Variants in ST8SIA1 observed in about 807,000 individuals in gnomAD.
ST8SIA1 encodes the protein ST8 alpha-N-acetyl-neuraminide alpha-2,8-sialyltransferase 1, also known as alpha-N-acetylneuraminide alpha-2,8-sialyltransferase.
ST8SIA1 carries 16 observed loss-of-function variants against 35.9 expected under a neutral mutation model. The ratio of observed to expected loss-of-function variants is 0.45; its 90% confidence interval spans 0.30 to 0.68. The LOEUF (loss-of-function observed/expected upper bound fraction) is 0.68, where lower values mean the gene tolerates loss of function less well. ST8SIA1 is among the 30% of genes least tolerant of loss of function. The probability of loss-of-function intolerance (pLI) is 0.09; values close to 1 mark genes in which losing one functional copy is unlikely to be tolerated. For missense variants in ST8SIA1, 383 were observed against 453.6 expected, an observed-to-expected ratio of 0.84 and a Z score of 1.41; for synonymous variants, 170 against 169.6, an observed-to-expected ratio of 1.00 and a Z score of -0.02.
At chr12:22,318,566 T>C (rs965956793) in intron 1 of ST8SIA1, among the ~76,000 whole-genome samples, 3 of 151,890 alleles carry the variant, frequency 2.0e-5, no homozygotes, top group East Asian at 3.9e-4. Context: ...CCCCCTCTTT[T>C]CCCTGCCTCC....
intron 1 of ST8SIA1, among the ~76,000 whole-genome samples, chr12:22,321,008 A>G (rs56002999): frequency 5.6e-4 from 47 of 83,876 alleles, no homozygotes; most frequent in African/African-American, 2.2e-3. Context: ...AGAAAGAAGA[A>G]AGAAAGAAAG....
chr12:22,255,007 G>A (rs1865713879), intron 3 of ST8SIA1, among the ~76,000 whole-genome samples: 1 of 152,164 alleles, frequency 6.6e-6, no homozygotes, highest in South Asian at 2.1e-4. Context: ...TGAGATGTGA[G>A]ATTTTCCACT....
At chr12:22,318,698 C>T (rs905895991) in intron 1 of ST8SIA1, among the ~76,000 whole-genome samples, 1 of 152,180 alleles carries the variant, frequency 6.6e-6, no homozygotes, top group Non-Finnish European at 1.5e-5. Flanking sequence ...TACAAACAGC[C>T]TTTGATTTTA....
At chr12:22,270,871 G>A (rs7301632) in intron 2 of ST8SIA1, among the ~76,000 whole-genome samples, 23,471 of 152,144 alleles carry the variant, frequency 0.15, 1,869 homozygotes, top group Middle Eastern at 0.24. Context: ...TGTAGGAGTC[G>A]TAAACAGTTG....
At chr12:22,248,982 C>T in intron 4 of ST8SIA1, 24 bp downstream of exon 4, 6 of 1,558,674 alleles carry the variant, frequency 3.8e-6, no homozygotes, top group South Asian at 1.1e-5. Flanking sequence ...TCGTTCGTCA[C>T]AAACAGAAGT....
At position 22,334,388 on chromosome 12, in the gene ST8SIA1, C is replaced by G; in HGVS notation, c.-156G>C. The G allele has an allele frequency of 1.6e-6, 1 of 619,736 alleles. No homozygotes were observed. The highest frequency in any genetic ancestry group is 2.8e-6 in the Non-Finnish European group (1 of 354,532). The allele number at this position is 619,736 out of a possible 1,614,324, so 38.4% of individuals were successfully genotyped here. On this transcript the variant is annotated 5_prime_UTR_variant, in exon 1 of 5. Transcript: ENST00000396037. ...CACGCTTCTTCGGCCCCGTCGGCCC[C>G]AAAGGTCAGCGCAAGGATTTTTTCA... is the stretch of plus-strand genomic sequence containing the variant.
At chr12:22,259,757 C>T (rs539857732) in intron 2 of ST8SIA1, among the ~76,000 whole-genome samples, 2 of 152,214 alleles carry the variant, frequency 1.3e-5, no homozygotes, top group South Asian at 2.1e-4. Flanking sequence ...TGAGCCACCG[C>T]GCCCGGCCAA....
intron 1 of ST8SIA1, among the ~76,000 whole-genome samples, chr12:22,299,887 T>G (rs1866297642): frequency 6.6e-6 from 1 of 152,200 alleles, no homozygotes; most frequent in Non-Finnish European, 1.5e-5. Context: ...TGTGGCCTGA[T>G]GCTAACAATG....
At chr12:22,273,134 G>T (rs1865931234) in intron 2 of ST8SIA1, among the ~76,000 whole-genome samples, 1 of 152,216 alleles carries the variant, frequency 6.6e-6, no homozygotes, top group South Asian at 2.1e-4. Flanking sequence ...ACACGGGCAG[G>T]TCCTGGCGAA....
chr12:22,201,802 G>T lies in ST8SIA1; in HGVS notation c.821C>A (p.Ser274Tyr). 1 of 1,614,158 alleles carries T rather than the reference G, an allele frequency of 6.2e-7. No individual in the cohort carries two copies. Among genetic ancestry groups the T allele is most frequent in the Non-Finnish European group, 8.5e-7 (1 of 1,180,000 alleles). ...KSRGIHAKRL[S>Y]TGLFLVSAAL... ...TGCGCTCACCAGAAAAAGTCCTGTG[G>T]ACAGGCGCTTGGCATGGATTCCTCT... The change falls in exon 5 of 5, where the codon TCC becomes TAC. Residue 274 changes from serine to tyrosine, a missense_variant. Physicochemically the swap from Ser to Tyr is moderately radical, Grantham distance 144. Transcript: ENST00000396037.
At chr12:22,219,028 T>C (rs16924777) in intron 4 of ST8SIA1, among the ~76,000 whole-genome samples, 32,327 of 151,976 alleles carry the variant, frequency 0.21, 3,797 homozygotes, top group South Asian at 0.33. Flanking sequence ...TATTATAAAA[T>C]GTATCATCTT....
chr12:22,285,653 C>T (rs1866088190), intron 2 of ST8SIA1, among the ~76,000 whole-genome samples: 1 of 152,076 alleles, frequency 6.6e-6, no homozygotes, highest in Admixed American at 6.5e-5. Context: ...GGGCAGATCA[C>T]TTGAGGTCCG....
chr12:22,222,012 T>C (rs992007352), intron 4 of ST8SIA1, among the ~76,000 whole-genome samples: 6 of 152,162 alleles, frequency 3.9e-5, no homozygotes, highest in African/African-American at 1.2e-4. Flanking sequence ...ACAGTGAACT[T>C]TGGAATCTTC....
At chr12:22,232,757 T>C (rs1865434063) in intron 4 of ST8SIA1, among the ~76,000 whole-genome samples, 1 of 152,096 alleles carries the variant, frequency 6.6e-6, no homozygotes, top group Admixed American at 6.5e-5. Context: ...GAGAATGGTT[T>C]GAACCCGGGA....
At chr12:22,241,545 G>A (rs533157484) in intron 4 of ST8SIA1, among the ~76,000 whole-genome samples, 9 of 151,888 alleles carry the variant, frequency 5.9e-5, no homozygotes, top group South Asian at 2.1e-4. Flanking sequence ...TAAAGTCTGC[G>A]GAACCAGGAG....
intron 1 of ST8SIA1, among the ~76,000 whole-genome samples, chr12:22,301,065 T>C (rs1866312715): frequency 1.3e-5 from 2 of 152,132 alleles, no homozygotes; most frequent in South Asian, 4.1e-4. Context: ...TAATAAATTA[T>C]TGTGTGCCAC....
chr12:22,265,845 T>A (rs1244014513), intron 2 of ST8SIA1, among the ~76,000 whole-genome samples: 1 of 151,960 alleles, frequency 6.6e-6, no homozygotes, highest in African/African-American at 2.4e-5. Context: ...CACTCTCATA[T>A]CCTAATTCTT....
chr12:22,218,785 A>G (rs1007075500), intron 4 of ST8SIA1, among the ~76,000 whole-genome samples: 4 of 151,748 alleles, frequency 2.6e-5, no homozygotes, highest in Non-Finnish European at 5.9e-5. Context: ...GAGCCACTGC[A>G]CTCTAGCCTG....
At chr12:22,295,205 G>A (rs1185384645) in intron 1 of ST8SIA1, among the ~76,000 whole-genome samples, 2 of 152,124 alleles carry the variant, frequency 1.3e-5, no homozygotes, top group Non-Finnish European at 2.9e-5. Context: ...AGTCCTCACC[G>A]GGTGATATTT....
Sources: gnomAD v4.1 joint callset for allele counts (sites outside exome capture counted in the v4.1 genomes callset) on GRCh38, gnomAD v4.1.1 for gene constraint, MANE v1.5 for transcripts, NCBI Gene and HGNC (gene_info 2026-07-23, HGNC 2026-07-21) for gene names.